ATOSA: variants seen among roughly 807,000 people sequenced by gnomAD.
ATOSA encodes the protein atos homolog A, also known as atos homolog protein A.
At chr15:52,644,564 A>G in the ATOSA span, among the ~76,000 whole-genome samples, 1 of 152,186 alleles carries the variant, frequency 6.6e-6, no homozygotes, top group African/African-American at 2.4e-5. Context: ...ATGGATGTTT[A>G]ATGTTTCACT....
the ATOSA span, chr15:52,610,500 ACT>A: frequency 9.2e-7 from 1 of 1,084,876 alleles, no homozygotes; most frequent in South Asian, 1.8e-5. Flanking sequence ...GTTAATTACC[ACT>A]GAGGTTTACT....
the ATOSA span, chr15:52,657,144 C>T: frequency 1.3e-5 from 2 of 152,102 alleles, no homozygotes; most frequent in African/African-American, 4.8e-5. Context: ...CTGTAAGAAT[C>T]ACCAACTCTA....
the ATOSA span, among the ~76,000 whole-genome samples, chr15:52,589,996 C>A: frequency 6.6e-6 from 1 of 152,090 alleles, no homozygotes. Context: ...CCATGTTGGC[C>A]AGGCTGGTCT....
the ATOSA span, among the ~76,000 whole-genome samples, chr15:52,614,268 G>C: frequency 6.6e-6 from 1 of 151,760 alleles, no homozygotes; most frequent in Non-Finnish European, 1.5e-5. Flanking sequence ...ACCACGCATG[G>C]CTATTTTTTG....
the ATOSA span, among the ~76,000 whole-genome samples, chr15:52,636,095 TAAATATTAAATTAAAA>T: frequency 7.1e-6 from 1 of 141,060 alleles, no homozygotes; most frequent in Non-Finnish European, 1.5e-5. Context: ...ATAATAAAAT[TAAATATTAAATTAAAA>T]TAATAAATTT....
chr15:52,590,804 G>C, the ATOSA span: 1 of 152,148 alleles, frequency 6.6e-6, no homozygotes, highest in South Asian at 2.1e-4. Context: ...GAAAAATACA[G>C]ACTATTTTTT....
At chr15:52,655,521 T>C in the ATOSA span, among the ~76,000 whole-genome samples, 1 of 152,156 alleles carries the variant, frequency 6.6e-6, no homozygotes, top group Admixed American at 6.6e-5. Flanking sequence ...ACCATCGATG[T>C]GGGTTCTGGC....
the ATOSA span, among the ~76,000 whole-genome samples, chr15:52,665,311 T>G: frequency 6.6e-6 from 1 of 152,224 alleles, no homozygotes; most frequent in Non-Finnish European, 1.5e-5. Context: ...TAGTTAGAAT[T>G]TAGCTTGGGC....
At chr15:52,640,811 G>T in the ATOSA span, among the ~76,000 whole-genome samples, 51 of 151,610 alleles carry the variant, frequency 3.4e-4, 2 homozygotes, top group South Asian at 9.8e-3. Flanking sequence ...TACTTATGGG[G>T]TAACAGTGTG....
chr15:52,622,607 T>A, the ATOSA span, among the ~76,000 whole-genome samples: 1 of 152,188 alleles, frequency 6.6e-6, no homozygotes, highest in Non-Finnish European at 1.5e-5. Context: ...TGATGTGATA[T>A]GAGAATGATT....
the ATOSA span, among the ~76,000 whole-genome samples, chr15:52,672,392 A>AT: frequency 6.6e-6 from 1 of 151,694 alleles, no homozygotes. Context: ...AACTCTTCTG[A>AT]TTTTTCACCT....
At chr15:52,593,368 T>G in the ATOSA span, 2 of 497,510 alleles carry the variant, frequency 4.0e-6, no homozygotes, top group Non-Finnish European at 7.2e-6. Flanking sequence ...GAGAAATAAG[T>G]ACATTTTTAG....
At chr15:52,686,577 A>G in the ATOSA span, among the ~76,000 whole-genome samples, 1 of 152,260 alleles carries the variant, frequency 6.6e-6, no homozygotes, top group Non-Finnish European at 1.5e-5. Context: ...TAGATAGAGC[A>G]TGATAAAACA....
At chr15:52,615,177 A>G in the ATOSA span, among the ~76,000 whole-genome samples, 1 of 152,236 alleles carries the variant, frequency 6.6e-6, no homozygotes, top group African/African-American at 2.4e-5. Flanking sequence ...CTGATTTGCA[A>G]TATGTGGAGT....
chr15:52,606,088 C>T, the ATOSA span, among the ~76,000 whole-genome samples: 1 of 151,788 alleles, frequency 6.6e-6, no homozygotes, highest in South Asian at 2.1e-4. Context: ...GTAACTGAAA[C>T]CATGGAAAGG....
At chr15:52,646,042 C>G in the ATOSA span, among the ~76,000 whole-genome samples, 1 of 152,212 alleles carries the variant, frequency 6.6e-6, no homozygotes, top group Admixed American at 6.5e-5. Context: ...CTAGTTTAGT[C>G]TTACATTTTT....
the ATOSA span, among the ~76,000 whole-genome samples, chr15:52,604,186 CG>C: frequency 2.0e-5 from 3 of 152,176 alleles, no homozygotes; most frequent in Non-Finnish European, 4.4e-5. Flanking sequence ...CTTTGGGAGG[CG>C]GAGGCGGGCG....
At chr15:52,609,596 T>A in the ATOSA span, 6 of 1,613,080 alleles carry the variant, frequency 3.7e-6, no homozygotes, top group Non-Finnish European at 5.1e-6. Flanking sequence ...CCCTCATTGG[T>A]GTCTTCTGGG....
At chr15:52,656,008 C>CA in the ATOSA span, 2 of 152,174 alleles carry the variant, frequency 1.3e-5, no homozygotes, top group Middle Eastern at 3.4e-3. Flanking sequence ...CATATGTCTG[C>CA]ATACATACAC....
Sources: allele counts gnomAD v4.1 joint callset (sites outside exome capture counted in the v4.1 genomes callset), GRCh38; gene constraint gnomAD v4.1.1; transcripts MANE v1.5; gene names NCBI Gene and HGNC (gene_info 2026-07-23, HGNC 2026-07-21).